The following ZNF692 variants were observed in gnomAD, a reference collection of about 807,000 sequenced individuals.
The protein encoded by ZNF692 is AICAR responsive element binding protein.
In ZNF692, 41 loss-of-function variants were observed where a neutral mutation model predicts 49.0. The ratio of observed to expected loss-of-function variants is 0.84; its 90% CI spans 0.65 to 1.08. The LOEUF is 1.08. Among genes scored for constraint, ZNF692 ranks in the 50% least tolerant of loss-of-function variants. The probability of loss-of-function intolerance (pLI) is 0.00; values close to 1 mark genes in which losing one functional copy is unlikely to be tolerated. For synonymous variants in ZNF692, 288 were observed against 251.5 expected (o/e 1.15, Z -1.37); for missense variants, 662 against 662.2 (o/e 1.00, Z 0.00).
At position 248,858,072 on chromosome 1, in the gene ZNF692, A is replaced by C. The variant is rs1372029032; in HGVS notation, c.179+59T>G. The C allele has an allele frequency of 6.4e-7, 1 of 1,552,804 alleles. No individual in the cohort carries two copies. Among genetic ancestry groups the C allele is most frequent in the South Asian group, 1.2e-5 (1 of 85,866 alleles). On this transcript the variant is annotated intron_variant, in intron 2 of 11. Coordinates refer to ENST00000306601, the MANE Select transcript of ZNF692 (RefSeq NM_017865.4). The surrounding 1 kb of genome is among the most constrained non-coding windows in gnomAD (Gnocchi z 4.3). ...AAGAGCAGCAGGACAGGCCCTGGAG[A>C]GGAGGCTAGGGGCTGCTGCCTGGGT... is the stretch of plus-strand genomic sequence containing the variant.
At position 248,858,623 on chromosome 1, in the gene ZNF692, G is replaced by A. The variant is rs1660535771; in HGVS notation, c.-13+295C>T. ...TGGGGAAGGGGCGAGAGACTTTCACGGGAAATTTCAACTGGGCTGGGGGCG... is the reference window on the plus strand; with the variant it reads ...TGGGGAAGGGGCGAGAGACTTTCACAGGAAATTTCAACTGGGCTGGGGGCG... On this transcript the variant is annotated intron_variant, in intron 1 of 11. Transcript: ENST00000306601. This position sits in a 1 kb window ranked among gnomAD's most constrained non-coding sequence, Gnocchi z 4.3. The A allele has an allele frequency of 6.8e-7, 1 of 1,473,494 alleles. No homozygotes were observed. The highest frequency in any genetic ancestry group is 2.5e-5 in the East Asian group (1 of 40,512). The allele number at this position is 1,473,494 out of a possible 1,614,324, so 91.3% of individuals were successfully genotyped here.
At chr1:248,854,207 T>G in intron 9 of ZNF692, 156 bp from the exon 10 acceptor site, 1 of 615,112 alleles carries the variant, frequency 1.6e-6, no homozygotes, top group Non-Finnish European at 2.9e-6. Context: ...GCTCGTTTCC[T>G]TGAGGCTCAG....
rs999664730 is a variant in ZNF692, at chr1:248,856,432, C to A, written c.525-10G>T. ...TGGGGGTCCCACCCTCCTGCAGGCCCAAAGAAGGCAAGCCTGAGGTCCTGC... is the reference window on the plus strand; with the variant it reads ...TGGGGGTCCCACCCTCCTGCAGGCCAAAAGAAGGCAAGCCTGAGGTCCTGC... On this transcript the variant is annotated splice_polypyrimidine_tract_variant and intron_variant, in intron 5 of 11. Transcript: ENST00000306601. 6.2e-7 allele frequency: 1 copy of A among 1,613,832 alleles called. No individual in the cohort carries two copies. Among genetic ancestry groups the A allele is most frequent in the Non-Finnish European group, 8.5e-7 (1 of 1,179,864 alleles).
intron 3 of ZNF692, 157 bp from the exon 4 acceptor site, chr1:248,857,654 A>G: frequency 6.8e-7 from 1 of 1,467,074 alleles, no homozygotes; most frequent in Non-Finnish European, 9.0e-7. Context: ...CTAGATCCTG[A>G]GACATTGCTC....
At chr1:248,854,319 A>G in intron 9 of ZNF692, 1 of 405,282 alleles carries the variant, frequency 2.5e-6, no homozygotes, top group East Asian at 4.7e-5. Flanking sequence ...CCTCCTTGTC[A>G]CACTCTCACC....
rs568999759 is a variant in ZNF692 at position 248,855,964 on chromosome 1, A to G, written c.660-18T>C. 3 of 1,611,266 alleles carry G rather than the reference A, an allele frequency of 1.9e-6. No homozygotes were observed. The highest frequency in any genetic ancestry group is 2.5e-6 in the Non-Finnish European group (3 of 1,178,482). ...GCTCACTACTGAAAGGAGAACAAAGAGGAAGATGGCATTAACTTTCTGGGC... is the reference window on the plus strand; with the variant it reads ...GCTCACTACTGAAAGGAGAACAAAGGGGAAGATGGCATTAACTTTCTGGGC... On this transcript the variant is annotated intron_variant, in intron 6 of 11. Coordinates refer to ENST00000306601, the MANE Select transcript of ZNF692 (RefSeq NM_017865.4).
intron 10 of ZNF692, 49 bp from the exon 11 acceptor site, chr1:248,850,830 C>T: frequency 6.5e-7 from 1 of 1,533,370 alleles, no homozygotes; most frequent in Non-Finnish European, 8.9e-7. Context: ...CCCTGTGGCC[C>T]CTCCTTGGCC....
rs751450641 is a variant in ZNF692 at position 248,857,506 on chromosome 1, G to A, written c.212-9C>T. The A allele has an allele frequency of 1.9e-6, 3 of 1,608,194 alleles. No homozygotes were observed. The highest frequency in any genetic ancestry group is 2.2e-5 in the East Asian group (1 of 44,782). On this transcript the variant is annotated splice_polypyrimidine_tract_variant and intron_variant, in intron 3 of 11. Coordinates refer to ENST00000306601, the MANE Select transcript of ZNF692 (RefSeq NM_017865.4). ...AGGCAAAGGCTCAGGACCTGGAGGG[G>A]TGGGGGAAGCAGTCAGGCTGAACTG...
At chr1:248,853,050 C>T (rs1465191466) in intron 10 of ZNF692, among the ~76,000 whole-genome samples, 1 of 152,222 alleles carries the variant, frequency 6.6e-6, no homozygotes, top group African/African-American at 2.4e-5. Flanking sequence ...AGAAAAATCA[C>T]ATCACCTTCT....
In ZNF692 at chr1:248,858,799, TC is replaced by T. The variant is rs757988853; in HGVS notation, c.-13+118del. The T allele has an allele frequency of 2.4e-5, 14 of 581,466 alleles. No individual in the cohort carries two copies. The South Asian group carries it at 2.8e-4, about 12-fold the overall frequency. 36.0% of individuals were successfully genotyped at this position (581,466 alleles called of 1,614,324 possible). A position where few individuals can be genotyped will look rare whatever the true frequency, so the allele number is the denominator to read the frequency against. On this transcript the variant is annotated intron_variant, in intron 1 of 11. Coordinates refer to ENST00000306601, the MANE Select transcript of ZNF692 (RefSeq NM_017865.4). This position sits in a 1 kb window ranked among gnomAD's most constrained non-coding sequence, Gnocchi z 4.3. The stretch of plus-strand genomic sequence containing the variant: ...TCAGAGGTCTGGAGGGCGCCCCCCA[TC>T]CACCCCGTCTTGGGCACCCCCACTT...
chr1:248,857,747 C>G (rs776145627), intron 3 of ZNF692, 81 bp downstream of exon 3: 2 of 1,566,936 alleles, frequency 1.3e-6, no homozygotes, highest in Non-Finnish European at 1.7e-6. Context: ...ACTCAGGGCT[C>G]CCTTTGAAAG....
intron 10 of ZNF692, among the ~76,000 whole-genome samples, chr1:248,852,529 T>C (rs1659721049): frequency 6.6e-6 from 1 of 152,156 alleles, no homozygotes; most frequent in Admixed American, 6.5e-5. Context: ...GCCTTCCAGC[T>C]GGGACTCCAT....
chr1:248,850,953 G>A (rs1180338252), intron 10 of ZNF692, 172 bp from the exon 11 acceptor site: 3 of 716,010 alleles, frequency 4.2e-6, no homozygotes, highest in African/African-American at 1.7e-5. Flanking sequence ...CTTACCTGAT[G>A]GGTCATGACA....
At position 248,858,127 on chromosome 1, in the gene ZNF692, T is replaced by C. The variant is rs1477943762; in HGVS notation, c.179+4A>G. The C allele has an allele frequency of 6.4e-7, 1 of 1,564,670 alleles. No homozygotes were observed. The highest frequency in any genetic ancestry group is 8.6e-7 in the Non-Finnish European group (1 of 1,157,894). On this transcript the variant is annotated splice_donor_region_variant and intron_variant, in intron 2 of 11. Transcript: ENST00000306601. This position sits in a 1 kb window ranked among gnomAD's most constrained non-coding sequence, Gnocchi z 4.3. ...TCCCCCAAGCCCTTCTCCCGGCCCCTAACCGGTCCAACAGGAACTTGGCGA... is the reference window on the plus strand; with the variant it reads ...TCCCCCAAGCCCTTCTCCCGGCCCCCAACCGGTCCAACAGGAACTTGGCGA...
rs939515923 is a variant in ZNF692, at chr1:248,858,578, A to G, written c.-12-257T>C. The G allele has an allele frequency of 1.9e-6, 3 of 1,549,936 alleles. No individual in the cohort carries two copies. The highest frequency in any genetic ancestry group is 1.4e-5 in the African/African-American group (1 of 73,000). On this transcript the variant is annotated intron_variant, in intron 1 of 11. Transcript: ENST00000306601. This position sits in a 1 kb window ranked among gnomAD's most constrained non-coding sequence, Gnocchi z 4.3. The stretch of plus-strand genomic sequence containing the variant: ...GTCAGAACAAAGGCCTGCGCCCTCC[A>G]GTCCACTGAAGTGGAGCTGTGGGGA...
At chr1:248,854,442 A>G (rs1659978072) in intron 9 of ZNF692, 1 of 186,444 alleles carries the variant, frequency 5.4e-6, no homozygotes, top group Non-Finnish European at 1.1e-5. Flanking sequence ...TTGGGTAAGT[A>G]TGATCATCCT....
chr1:248,853,269 G>T (rs1659817268), intron 10 of ZNF692, among the ~76,000 whole-genome samples: 1 of 152,168 alleles, frequency 6.6e-6, no homozygotes, highest in Non-Finnish European at 1.5e-5. Context: ...TCACAGTTGA[G>T]TGCCTGGTTC....
Position 248,856,533 on chromosome 1 carries a change from G to A in ZNF692, c.505C>T (p.Gln169Ter), listed in dbSNP as rs1205344488. 6.2e-7 allele frequency: 1 copy of A among 1,614,156 alleles called. No individual in the cohort carries two copies. The highest frequency in any genetic ancestry group is 1.7e-5 in the Admixed American group (1 of 60,028). The change falls in exon 5 of 12, where the codon CAA becomes TAA. Residue 169 changes from glutamine (Q) to a stop codon, truncating the protein, a stop_gained. Coordinates refer to ENST00000306601, the MANE Select transcript of ZNF692 (RefSeq NM_017865.4). LOFTEE classifies it high-confidence loss of function. ...CCTCACCTGGGCAACCTGGCCTCTT[G>A]AGTCCTCTCATCATGCTCAGATTCC... ...DLESEHDERT[Q>*]EARLPRRVGP...
chr1:248,858,295 C>T lies in ZNF692; in HGVS notation c.15G>A (p.Pro5=), dbSNP rs1195557831. The change falls in exon 2 of 12, where the codon CCG becomes CCA. Residue 5 remains proline, a synonymous_variant. Coordinates refer to ENST00000306601, the MANE Select transcript of ZNF692 (RefSeq NM_017865.4). The surrounding 1 kb of genome is among the most constrained non-coding windows in gnomAD (Gnocchi z 4.3). MASS[P]AVDVSCRRRE... ...GCCGCCTGCAGGACACGTCCACCGC[C>T]GGGGAGGAAGCCATGTGCACCAGAG... 6.4e-7 allele frequency: 1 copy of T among 1,567,598 alleles called. No individual in the cohort carries two copies. The highest frequency in any genetic ancestry group is 1.3e-5 in the African/African-American group (1 of 74,238).
Sources: gnomAD v4.1 joint callset for allele counts (sites outside exome capture counted in the v4.1 genomes callset) on GRCh38, gnomAD v4.1.1 for gene constraint, Gnocchi (gnomAD v3.1) non-coding constraint, MANE v1.5 for transcripts, NCBI Gene and HGNC (gene_info 2026-07-23, HGNC 2026-07-21) for gene names.